PHGDH: variants seen among roughly 807,000 people sequenced by gnomAD.
The protein encoded by PHGDH is D-3-phosphoglycerate dehydrogenase.
A neutral mutation model predicts 52.6 loss-of-function variants in PHGDH; 50 were observed. The ratio of observed to expected loss-of-function variants is 0.95; its 90% confidence interval spans 0.76 to 1.20. PHGDH has a LOEUF of 1.20. Among genes scored for constraint, PHGDH ranks in the 50% most tolerant of loss-of-function variants. PHGDH has a pLI of 0.00. For missense variants in PHGDH, 630 were observed against 684.6 expected, an observed-to-expected ratio of 0.92 and a Z score of 0.89; for synonymous variants, 271 against 280.5, an observed-to-expected ratio of 0.97 and a Z score of 0.34.
chr1:119,721,113 G>A (rs1033416101), intron 1 of PHGDH, 57 bp from the exon 2 acceptor site: 25 of 1,541,480 alleles, frequency 1.6e-5, no homozygotes, highest in South Asian at 5.6e-5. Flanking sequence ...ATGTGCCTGC[G>A]GCTTTACGAG....
chr1:119,736,981 C>A, intron 7 of PHGDH, 133 bp from the exon 8 acceptor site: 2 of 810,572 alleles, frequency 2.5e-6, no homozygotes, highest in Non-Finnish European at 2.1e-6. Context: ...CCAGTGACCA[C>A]CCTGACAAAA....
intron 1 of PHGDH, among the ~76,000 whole-genome samples, chr1:119,718,722 A>G (rs1651030792): frequency 6.6e-6 from 1 of 152,254 alleles, no homozygotes; most frequent in Non-Finnish European, 1.5e-5. Flanking sequence ...TGTAATGCCT[A>G]GTACCCAGCA....
intron 8 of PHGDH, among the ~76,000 whole-genome samples, chr1:119,738,506 G>A (rs1652044626): frequency 6.6e-6 from 1 of 152,226 alleles, no homozygotes; most frequent in Non-Finnish European, 1.5e-5. Context: ...TCAGGGCAGA[G>A]CACACTTCAC....
intron 3 of PHGDH, 37 bp downstream of exon 3, chr1:119,723,478 G>A (rs775266648): frequency 2.7e-6 from 4 of 1,493,772 alleles, no homozygotes; most frequent in Admixed American, 1.7e-5. Context: ...TAGTCTCTCC[G>A]ATATGCCAAT....
At position 119,727,239 on chromosome 1, in the gene PHGDH, TAAAGTC is replaced by T; in HGVS notation, c.510+140_510+145del. On this transcript the variant is annotated intron_variant, in intron 5 of 11. Coordinates refer to ENST00000641023, the MANE Select transcript of PHGDH (RefSeq NM_006623.4). ...TTGGAGCCCCCATCTAAATAAGTGT[TAAAGTC>T]AAGGAGGGAGAGAACACTGGCCTGC... 4.3e-6 allele frequency: 3 copies of T among 703,316 alleles called. No individual in the cohort carries two copies. In the South Asian group the frequency reaches 4.5e-5, roughly 11 times the overall value. The allele number at this position is 703,316 out of a possible 1,614,324, so 43.6% of individuals were successfully genotyped here.
chr1:119,737,324 G>T lies in PHGDH; in HGVS notation c.945+58G>T, dbSNP rs77600587. On this transcript the variant is annotated intron_variant, in intron 8 of 11. Coordinates refer to ENST00000641023, the MANE Select transcript of PHGDH (RefSeq NM_006623.4). ...AGTCAGAGGGAGGAGAGGAAGGAAGGCATCTTGTAGGGGCTGGTGGCAGCG... is the reference window on the plus strand; with the variant it reads ...AGTCAGAGGGAGGAGAGGAAGGAAGTCATCTTGTAGGGGCTGGTGGCAGCG... 2.2e-3 allele frequency: 3,085 copies of T among 1,420,152 alleles called. 60 individuals carry two copies. The African/African-American group carries it at 0.038, about 18-fold the overall frequency. The allele number at this position is 1,420,152 out of a possible 1,614,324, so 88.0% of individuals were successfully genotyped here.
At chr1:119,719,401 A>T (rs1651054425) in intron 1 of PHGDH, among the ~76,000 whole-genome samples, 1 of 152,220 alleles carries the variant, frequency 6.6e-6, no homozygotes, top group African/African-American at 2.4e-5. Flanking sequence ...GTTGGACCAG[A>T]TGCTGGTGAA....
rs1032144337 is a variant in PHGDH at position 119,744,168 on chromosome 1, T to A, written c.*128T>A. 4.8e-6 allele frequency: 4 copies of A among 838,038 alleles called. No homozygotes were observed. In the South Asian group the frequency reaches 5.4e-5, roughly 11 times the overall value. 51.9% of individuals were successfully genotyped at this position (838,038 alleles called of 1,614,324 possible). A position where few individuals can be genotyped will look rare whatever the true frequency, so the allele number is the denominator to read the frequency against. On this transcript the variant is annotated 3_prime_UTR_variant, in exon 12 of 12. Transcript: ENST00000641023. ...CTCTGACACTGCTTACACTGCACTC[T>A]GACCCTGTAGTACAGCAATAACCGT...
At position 119,718,891 on chromosome 1, in the gene PHGDH, CAT is replaced by C. The variant is rs587596853; in HGVS notation, c.139-2276_139-2275del. Among the ~76,000 whole-genome samples the C allele has an allele frequency of 2.5e-3, 384 of 152,226 alleles. 3 individuals carry two copies. The highest frequency in any genetic ancestry group is 3.2e-3 in the Non-Finnish European group (221 of 68,018). ...TAAGAGAGGACAACTAGATATGAAACATATTATATTGGTGATCACAACAAAAA... is the reference window on the plus strand; with the variant it reads ...TAAGAGAGGACAACTAGATATGAAACATTATATTGGTGATCACAACAAAAA... On this transcript the variant is annotated intron_variant, in intron 1 of 11. Transcript: ENST00000641023.
chr1:119,729,399 A>T (rs1651589375), intron 5 of PHGDH: 1 of 152,364 alleles, frequency 6.6e-6, no homozygotes, highest in African/African-American at 2.4e-5. Context: ...ATAGGTGAGC[A>T]TTTCATTGAT....
At position 119,727,102 on chromosome 1, in the gene PHGDH, G is replaced by A. The variant is rs770036497; in HGVS notation, c.510G>A (p.Lys170=). Residue 170 remains lysine, a splice_region_variant and synonymous_variant, in exon 5 of 12, where the codon AAG becomes AAA. Transcript: ENST00000641023. Reference sequence around the variant, plus strand: ...CCCGGATGCAGTCCTTTGGGATGAAGGTAAGATGTTGCTGGAACCCTGTGA... The same window carrying A: ...CCCGGATGCAGTCCTTTGGGATGAAAGTAAGATGTTGCTGGAACCCTGTGA... ...VATRMQSFGM[K]TIGYDPIISP... 5.1e-6 allele frequency: 8 copies of A among 1,571,092 alleles called. No homozygotes were observed. In the South Asian group the frequency reaches 7.8e-5, roughly 15 times the overall value.
At chr1:119,712,573 G>A (rs1397058041) in intron 1 of PHGDH, 2 of 257,846 alleles carry the variant, frequency 7.8e-6, no homozygotes, top group East Asian at 1.1e-4. Flanking sequence ...ATCGGGAGAG[G>A]GGCCCCAAAG....
intron 8 of PHGDH, 45 bp downstream of exon 8, chr1:119,737,311 G>A (rs867015397): frequency 1.3e-6 from 2 of 1,562,730 alleles, no homozygotes; most frequent in Non-Finnish European, 1.8e-6. Context: ...TCAGAGGGAG[G>A]AGAGGAAGGA....
intron 1 of PHGDH, among the ~76,000 whole-genome samples, chr1:119,717,036 G>C (rs1650963485): frequency 6.6e-6 from 1 of 151,720 alleles, no homozygotes; most frequent in African/African-American, 2.4e-5. Context: ...TCTGTGCATT[G>C]CCTATTTATA....
intron 7 of PHGDH, among the ~76,000 whole-genome samples, chr1:119,736,111 G>T (rs1406770400): frequency 1.3e-5 from 2 of 152,220 alleles, no homozygotes; most frequent in East Asian, 3.9e-4. Context: ...GGTAGTTGTG[G>T]TTCGCAGGTT....
intron 3 of PHGDH, chr1:119,724,978 A>C (rs908861538): frequency 3.9e-5 from 18 of 456,224 alleles, no homozygotes; most frequent in Non-Finnish European, 7.5e-5. Context: ...GTGGGTGCCT[A>C]TATGTAGACT....
At chr1:119,729,805 G>A (rs1453574301) in intron 5 of PHGDH, 1 of 152,174 alleles carries the variant, frequency 6.6e-6, no homozygotes. Flanking sequence ...GTGTTAATCT[G>A]TGCCTCAGAG....
intron 1 of PHGDH, among the ~76,000 whole-genome samples, chr1:119,713,920 GGTT>G (rs1475624191): frequency 1.3e-5 from 2 of 152,156 alleles, no homozygotes; most frequent in African/African-American, 4.8e-5. Flanking sequence ...CATAATGAGG[GGTT>G]GTTCCATGAA....
chr1:119,732,680 C>G (rs922495343), intron 5 of PHGDH, among the ~76,000 whole-genome samples: 3 of 152,214 alleles, frequency 2.0e-5, no homozygotes, highest in African/African-American at 7.2e-5. Context: ...ATGAGATACT[C>G]TCTGTGAAAG....
Sources: allele counts gnomAD v4.1 joint callset (sites outside exome capture counted in the v4.1 genomes callset), GRCh38; gene constraint gnomAD v4.1.1; transcripts MANE v1.5; gene names NCBI Gene and HGNC (gene_info 2026-07-23, HGNC 2026-07-21).